Variants in SRP72 observed in about 807,000 individuals in gnomAD.
The protein encoded by SRP72 is signal recognition particle 72.
Under a neutral mutation model 96.3 loss-of-function variants are expected in SRP72, and 49 were observed. That is an observed-to-expected ratio of 0.51 (90% CI 0.40 to 0.65). SRP72 has a LOEUF of 0.65. Among genes scored for constraint, SRP72 ranks in the 30% least tolerant of loss-of-function variants. SRP72 has a pLI of 0.00. For missense variants in SRP72, 736 were observed against 793.3 expected (o/e 0.93, Z 0.87); for synonymous variants, 267 against 275.2 (o/e 0.97, Z 0.30).
intron 17 of SRP72, among the ~76,000 whole-genome samples, chr4:56,497,284 A>G (rs1405395807): frequency 4.0e-5 from 6 of 148,806 alleles, no homozygotes; most frequent in Admixed American, 6.8e-5. Context: ...CAGTGGCGCT[A>G]TCTCGGCTCA....
At position 56,491,757 on chromosome 4, in the gene SRP72, G is replaced by A. The variant is rs1720915216; in HGVS notation, c.1640+189G>A. On this transcript the variant is annotated intron_variant, in intron 16 of 18. Coordinates refer to ENST00000642900, the MANE Select transcript of SRP72 (RefSeq NM_006947.4). ...TTCCCTCAGCCCAAAATTAACCTCT[G>A]GTATTAATTTAATCTATTATTCCAG... is the stretch of plus-strand genomic sequence containing the variant. 4 of 475,660 alleles carry A rather than the reference G, an allele frequency of 8.4e-6. No individual in the cohort carries two copies. The South Asian group carries it at 1.8e-4, about 21-fold the overall frequency. 29.5% of individuals were successfully genotyped at this position (475,660 alleles called of 1,614,324 possible).
At chr4:56,499,139 C>T (rs1415994157) in intron 17 of SRP72, among the ~76,000 whole-genome samples, 2 of 152,184 alleles carry the variant, frequency 1.3e-5, no homozygotes, top group Non-Finnish European at 2.9e-5. Context: ...TGATCTTTGA[C>T]AAACCTGACA....
Position 56,500,401 on chromosome 4 carries a change from A to T in SRP72, c.1679-135A>T, listed in dbSNP as rs1231526143. Reference sequence around the variant, plus strand: ...AAAAGACCATTTCGCCTGCTAGATTATACAAACTAAACTTTCTCAAATAAA... The same window carrying T: ...AAAAGACCATTTCGCCTGCTAGATTTTACAAACTAAACTTTCTCAAATAAA... On this transcript the variant is annotated intron_variant, in intron 17 of 18. Transcript: ENST00000642900. The T allele has an allele frequency of 3.0e-6, 3 of 987,842 alleles. No homozygotes were observed. The African/African-American group carries it at 4.9e-5, about 16-fold the overall frequency. The allele number at this position is 987,842 out of a possible 1,614,324, so 61.2% of individuals were successfully genotyped here. A position where few individuals can be genotyped will look rare whatever the true frequency, so the allele number is the denominator to read the frequency against.
chr4:56,476,866 A>G (rs750483034), intron 6 of SRP72, 164 bp downstream of exon 6: 25 of 650,040 alleles, frequency 3.8e-5, no homozygotes, highest in Non-Finnish European at 5.6e-5. Flanking sequence ...GATGAAGTCT[A>G]CTAGAGTGAG....
chr4:56,484,392 C>CA (rs894147598), intron 9 of SRP72, among the ~76,000 whole-genome samples: 26 of 151,822 alleles, frequency 1.7e-4, no homozygotes, highest in African/African-American at 5.8e-4. Context: ...AATAATGTAG[C>CA]AAAAAATACA....
rs1418985174 is a variant in SRP72 at position 56,474,376 on chromosome 4, C to T, written c.595C>T (p.Leu199=). 6.2e-7 allele frequency: 1 copy of T among 1,613,616 alleles called. No individual in the cohort carries two copies. The highest frequency in any genetic ancestry group is 8.5e-7 in the Non-Finnish European group (1 of 1,179,902). Residue 199 remains leucine, a synonymous_variant, in exon 5 of 19, where the codon CTA becomes TTA. Coordinates refer to ENST00000642900, the MANE Select transcript of SRP72 (RefSeq NM_006947.4). The stretch of plus-strand genomic sequence containing the variant: ...CCAGCTGAACCAGGCCATGAAAATC[C>T]TACAAAAAGCTGAAGGTTGGAAGTT... The part of the protein sequence containing the change: ...QGQLNQAMKI[L]QKAEDLCRRS...
At chr4:56,484,584 A>G (rs999749996) in intron 9 of SRP72, 152 bp from the exon 10 acceptor site, 1 of 961,636 alleles carries the variant, frequency 1.0e-6, no homozygotes, top group South Asian at 1.6e-5. Context: ...AAAATTGAGA[A>G]TAGATACTGT....
At chr4:56,476,440 AT>A (rs1720226042) in intron 5 of SRP72, 1 of 513,170 alleles carries the variant, frequency 1.9e-6, no homozygotes, top group Non-Finnish European at 3.4e-6. Context: ...CTTTACAAAT[AT>A]TTTTAGCACA....
rs1578172828 is a variant in SRP72, at chr4:56,469,875, G to GT, written c.230+109dup. ...CAACTATTTGCTGATTTTTTTTAAC[G>GT]TTTTTTTCCTTCCTTTTTTTCCCCC... is the stretch of plus-strand genomic sequence containing the variant. On this transcript the variant is annotated intron_variant, in intron 2 of 18. Coordinates refer to ENST00000642900, the MANE Select transcript of SRP72 (RefSeq NM_006947.4). 8 of 1,141,264 alleles carry GT rather than the reference G, an allele frequency of 7.0e-6. No homozygotes were observed. In the East Asian group the frequency reaches 2.1e-4, roughly 30 times the overall value. The allele number at this position is 1,141,264 out of a possible 1,614,324, so 70.7% of individuals were successfully genotyped here.
chr4:56,476,530 C>A, intron 5 of SRP72, 141 bp from the exon 6 acceptor site: 2 of 801,712 alleles, frequency 2.5e-6, no homozygotes, highest in African/African-American at 1.7e-5. Context: ...ATATTTGATG[C>A]TAATGTAAAT....
At chr4:56,498,905 A>G (rs1435239257) in intron 17 of SRP72, among the ~76,000 whole-genome samples, 1 of 152,226 alleles carries the variant, frequency 6.6e-6, no homozygotes, top group Non-Finnish European at 1.5e-5. Flanking sequence ...TCACAGAATT[A>G]GAAAAAAACT....
At chr4:56,470,828 G>GT (rs569643683) in intron 2 of SRP72, among the ~76,000 whole-genome samples, 16,907 of 130,150 alleles carry the variant, frequency 0.13, 1,244 homozygotes, top group East Asian at 0.28. Flanking sequence ...TTGGATAAAA[G>GT]TTTTTTTTTT....
At chr4:56,484,938 C>T in intron 10 of SRP72, 74 bp downstream of exon 10, 1 of 1,504,248 alleles carries the variant, frequency 6.6e-7, no homozygotes, top group South Asian at 1.3e-5. Context: ...TAATAACCTA[C>T]TAGCATGTAA....
At chr4:56,473,457 C>T (rs1023065883) in intron 3 of SRP72, among the ~76,000 whole-genome samples, 12 of 129,556 alleles carry the variant, frequency 9.3e-5, no homozygotes, top group African/African-American at 3.5e-4. Flanking sequence ...GACTCCATCT[C>T]AAAAAAAAAA....
chr4:56,484,673 G>A, intron 9 of SRP72, 63 bp from the exon 10 acceptor site: 1 of 1,594,662 alleles, frequency 6.3e-7, no homozygotes. Context: ...TTTCTTTCTG[G>A]TCATTTAGTG....
At chr4:56,500,451 A>T in intron 17 of SRP72, 85 bp from the exon 18 acceptor site, 1 of 1,312,996 alleles carries the variant, frequency 7.6e-7, no homozygotes. Flanking sequence ...AATGTTATTT[A>T]TTCCCAGGCT....
intron 8 of SRP72, among the ~76,000 whole-genome samples, chr4:56,480,276 T>TC (rs1446895426): frequency 6.6e-6 from 1 of 152,148 alleles, no homozygotes; most frequent in Non-Finnish European, 1.5e-5. Flanking sequence ...AATTTTTTTT[T>TC]CCCCCAAGAT....
At position 56,467,645 on chromosome 4, in the gene SRP72, G is replaced by T; in HGVS notation, c.10G>T (p.Gly4Cys). 1 of 1,559,800 alleles carries T rather than the reference G, an allele frequency of 6.4e-7. No homozygotes were observed. Among genetic ancestry groups the T allele is most frequent in the East Asian group, 2.5e-5 (1 of 39,724 alleles). MASGGSGGVSVPAL... is the reference protein window; with the variant it reads MASCGSGGVSVPAL... ...CCTCGTCTCCTCCAAGATGGCGAGCGGCGGCAGCGGGGGGGTGTCAGTACC... is the reference window on the plus strand; with the variant it reads ...CCTCGTCTCCTCCAAGATGGCGAGCTGCGGCAGCGGGGGGGTGTCAGTACC... The change falls in exon 1 of 19, where the codon GGC becomes TGC. Residue 4 changes from glycine to cysteine, a missense_variant. Gly to Cys is a radical substitution (Grantham distance 159, BLOSUM62 -3). This residue lies in a region of SRP72 where 329 missense variants were observed against 319.0 expected (regional missense o/e 1.03). Coordinates refer to ENST00000642900, the MANE Select transcript of SRP72 (RefSeq NM_006947.4).
At chr4:56,489,719 A>G (rs182185113) in intron 13 of SRP72, among the ~76,000 whole-genome samples, 1 of 152,348 alleles carries the variant, frequency 6.6e-6, no homozygotes, top group Admixed American at 6.5e-5. Flanking sequence ...TCCTTGCTGT[A>G]TGTGTACATG....
Sources: gnomAD v4.1 joint callset for allele counts (sites outside exome capture counted in the v4.1 genomes callset) on GRCh38, gnomAD v4.1.1 for gene constraint, gnomAD v4.1.1 regional missense constraint, MANE v1.5 for transcripts, NCBI Gene and HGNC (gene_info 2026-07-23, HGNC 2026-07-21) for gene names.